Variants in SRRM3 observed in about 807,000 individuals in gnomAD.
SRRM3 encodes serine/arginine repetitive matrix 3, also known as serine/arginine repetitive matrix protein 3.
Under a neutral mutation model 66.2 loss-of-function variants are expected in SRRM3, and 27 were observed. The observed-to-expected ratio is 0.41, with a 90% CI of 0.30 to 0.56. The LOEUF (loss-of-function observed/expected upper bound fraction) is 0.56. Among genes scored for constraint, SRRM3 ranks in the 20% least tolerant of loss-of-function variants. The pLI is 0.32. For synonymous variants in SRRM3, 391 were observed against 414.9 expected (o/e 0.94, Z 0.70); for missense variants, 918 against 991.9 (o/e 0.93, Z 1.00).
intron 1 of SRRM3, among the ~76,000 whole-genome samples, chr7:76,222,016 A>G (rs571149413): frequency 6.6e-6 from 1 of 152,336 alleles, no homozygotes; most frequent in South Asian, 2.1e-4. Flanking sequence ...CTACGCACAC[A>G]TAGTAAGTGA....
chr7:76,281,605 T>C lies in SRRM3; in HGVS notation c.1173T>C (p.Arg391=). 1.0e-6 allele frequency: 1 copy of C among 974,796 alleles called. No homozygotes were observed. Among genetic ancestry groups the C allele is most frequent in the Non-Finnish European group, 1.2e-6 (1 of 823,106 alleles). 60.4% of individuals were successfully genotyped at this position (974,796 alleles called of 1,614,324 possible). Residue 391 remains arginine, a synonymous_variant, in exon 12 of 15, where the codon CGT becomes CGC. Transcript: ENST00000611745. ...CGGGCAGGCGGCGGCGGCGGCGGCG[T>C]AGGCGGCGGCGCTCGCGGTCCTCGG... The part of the protein sequence containing the change: ...GGAGRRRRRR[R]RRRRSRSSAS...
At chr7:76,248,850 C>T (rs1365783283) in intron 3 of SRRM3, among the ~76,000 whole-genome samples, 1 of 152,150 alleles carries the variant, frequency 6.6e-6, no homozygotes, top group African/African-American at 2.4e-5. Flanking sequence ...CATAGTGGCA[C>T]ATGCCTGTAA....
chr7:76,260,228 G>T, intron 5 of SRRM3, 31 bp downstream of exon 5: 2 of 1,500,162 alleles, frequency 1.3e-6, no homozygotes, highest in Non-Finnish European at 1.8e-6. Flanking sequence ...GAGCGGGAAG[G>T]GAGGAGGAGG....
At chr7:76,240,886 CGTT>C (rs782176310) in intron 2 of SRRM3, among the ~76,000 whole-genome samples, 4 of 151,610 alleles carry the variant, frequency 2.6e-5, no homozygotes, top group Non-Finnish European at 5.9e-5. Context: ...AAGCCCTTGA[CGTT>C]GTTTTTTTGG....
intron 11 of SRRM3, among the ~76,000 whole-genome samples, chr7:76,271,944 G>A (rs1330936482): frequency 2.0e-5 from 3 of 152,180 alleles, no homozygotes; most frequent in Non-Finnish European, 2.9e-5. Flanking sequence ...CTGTGACTCA[G>A]GGAACCCTAA....
intron 2 of SRRM3, among the ~76,000 whole-genome samples, chr7:76,240,542 C>A (rs1801260621): frequency 6.6e-6 from 1 of 151,182 alleles, no homozygotes; most frequent in South Asian, 2.1e-4. Context: ...ATGGCGTGAA[C>A]CCGGGAGGCG....
chr7:76,282,777 C>T lies in SRRM3; in HGVS notation c.1500C>T (p.Ser500=), dbSNP rs1280079377. 10 of 1,466,176 alleles carry T rather than the reference C, an allele frequency of 6.8e-6. No homozygotes were observed. The highest frequency in any genetic ancestry group is 9.0e-6 in the Non-Finnish European group (10 of 1,114,872). 90.8% of individuals were successfully genotyped at this position (1,466,176 alleles called of 1,614,324 possible). Residue 500 remains serine, a synonymous_variant, in exon 13 of 15, where the codon AGC becomes AGT. Coordinates refer to ENST00000611745, the MANE Select transcript of SRRM3 (RefSeq NM_001110199.3). The stretch of plus-strand genomic sequence containing the variant: ...CCGGCCCGCACCCCCGCTCCTGGAG[C>T]TCCAGCCGCTCGCCCTCCAAATCTC... ...RSPGPHPRSW[S]SSRSPSKSRS...
intron 2 of SRRM3, among the ~76,000 whole-genome samples, chr7:76,239,737 C>CA (rs1554605378): frequency 6.6e-6 from 1 of 152,094 alleles, no homozygotes; most frequent in Non-Finnish European, 1.5e-5. Flanking sequence ...AAAAACAAAA[C>CA]AAAACAAAAG....
At chr7:76,259,801 T>A in intron 3 of SRRM3, 105 bp from the exon 4 acceptor site, 2 of 1,547,074 alleles carry the variant, frequency 1.3e-6, no homozygotes, top group Non-Finnish European at 1.7e-6. Flanking sequence ...CCCAGCCGGG[T>A]AGCAGCCCGC....
intron 9 of SRRM3, 94 bp downstream of exon 9, chr7:76,264,909 G>C: frequency 7.3e-7 from 1 of 1,361,974 alleles, no homozygotes; most frequent in Non-Finnish European, 1.0e-6. Flanking sequence ...GGCCATTAAA[G>C]GTAGCTCATT....
At chr7:76,262,985 T>A (rs1009752479) in intron 8 of SRRM3, among the ~76,000 whole-genome samples, 19 of 151,476 alleles carry the variant, frequency 1.3e-4, no homozygotes, top group African/African-American at 3.9e-4. Flanking sequence ...GAGTCTGGAG[T>A]TCCTTCTTTG....
At chr7:76,275,044 T>C (rs28653181) in intron 11 of SRRM3, among the ~76,000 whole-genome samples, 1 of 147,356 alleles carries the variant, frequency 6.8e-6, no homozygotes, top group Non-Finnish European at 1.5e-5. Context: ...AGGCAGAGGC[T>C]GCAGTGAGCC....
chr7:76,217,261 G>T (rs951802675), intron 1 of SRRM3, among the ~76,000 whole-genome samples: 4 of 152,156 alleles, frequency 2.6e-5, no homozygotes, highest in African/African-American at 4.8e-5. Flanking sequence ...GAAAGAGCAC[G>T]GCTCAAAAGC....
intron 2 of SRRM3, among the ~76,000 whole-genome samples, chr7:76,237,382 G>C (rs1221865625): frequency 1.3e-5 from 2 of 151,888 alleles, no homozygotes; most frequent in African/African-American, 2.4e-5. Flanking sequence ...CTCCAGCCTG[G>C]GTGACAGAGC....
Position 76,265,354 on chromosome 7 carries a change from T to C in SRRM3, c.726-10T>C. On this transcript the variant is annotated splice_polypyrimidine_tract_variant and intron_variant, in intron 9 of 14. Coordinates refer to ENST00000611745, the MANE Select transcript of SRRM3 (RefSeq NM_001110199.3). ...TTGAGGTACAGGCTGATTTCCCCCA[T>C]CCACGCCAGGCCTCACACAGAGTCC... is the stretch of plus-strand genomic sequence containing the variant. 1 of 1,588,532 alleles carries C rather than the reference T, an allele frequency of 6.3e-7. No individual in the cohort carries two copies. The highest frequency in any genetic ancestry group is 1.2e-5 in the South Asian group (1 of 86,888).
At chr7:76,228,417 G>C (rs1233011875) in intron 1 of SRRM3, among the ~76,000 whole-genome samples, 4 of 152,034 alleles carry the variant, frequency 2.6e-5, no homozygotes, top group South Asian at 2.1e-4. Flanking sequence ...CAGAAACTCT[G>C]GGGGCGAAGT....
intron 1 of SRRM3, among the ~76,000 whole-genome samples, chr7:76,229,568 G>A (rs1181660670): frequency 6.6e-6 from 1 of 151,802 alleles, no homozygotes. Flanking sequence ...TGCATTTTTG[G>A]CATCCACATT....
chr7:76,264,635 G>A lies in SRRM3; in HGVS notation c.675-130G>A, dbSNP rs527816845. ...GGTGGAGTAGGATGGAAAAGTCCCC[G>A]CCAGCCATGGGGCTTAGGCCCTAGA... On this transcript the variant is annotated intron_variant, in intron 8 of 14. Transcript: ENST00000611745. 9.4e-5 allele frequency: 85 copies of A among 904,254 alleles called. 1 individual carries two copies. Among genetic ancestry groups the A allele is most frequent in the African/African-American group, 6.3e-4 (37 of 58,752 alleles). 56.0% of individuals were successfully genotyped at this position (904,254 alleles called of 1,614,324 possible).
chr7:76,255,148 C>CTTTCT lies in SRRM3; in HGVS notation c.336-4755_336-4754insCTTTT, dbSNP rs1447372520. On this transcript the variant is annotated intron_variant, in intron 3 of 14. Transcript: ENST00000611745. The stretch of plus-strand genomic sequence containing the variant: ...CTTTTCTTTCTTTCTTTCTTTCTTT[C>CTTTCT]TTTTTTTTTTTTTTTTTTTGAGATG... Among the ~76,000 whole-genome samples, 646 of 83,154 alleles carry CTTTCT rather than the reference C, an allele frequency of 7.8e-3. 16 individuals are homozygous for CTTTCT. Among genetic ancestry groups the CTTTCT allele is most frequent in the African/African-American group, 0.038 (602 of 15,870 alleles). 54.6% of individuals were successfully genotyped at this position (83,154 alleles called of 152,430 possible). A position where few individuals can be genotyped will look rare whatever the true frequency, so the allele number is the denominator to read the frequency against.
Sources: gnomAD v4.1 joint callset for allele counts (sites outside exome capture counted in the v4.1 genomes callset) on GRCh38, gnomAD v4.1.1 for gene constraint, MANE v1.5 for transcripts, NCBI Gene and HGNC (gene_info 2026-07-23, HGNC 2026-07-21) for gene names.